Variants in NEK10 observed in about 807,000 individuals in gnomAD.
NEK10 encodes the protein NIMA related kinase 10, also known as serine/threonine-protein kinase Nek10.
NEK10 carries 122 observed loss-of-function variants against 159.8 expected under a neutral mutation model. The ratio of observed to expected loss-of-function variants is 0.76; its 90% CI spans 0.66 to 0.89. The LOEUF (loss-of-function observed/expected upper bound fraction) is 0.89. Among genes scored for constraint, NEK10 ranks in the 40% least tolerant of loss-of-function variants. NEK10 has a pLI of 0.00. For missense variants in NEK10, 1,342 were observed against 1,323.1 expected (o/e 1.01, Z -0.22); for synonymous variants, 466 against 457.1 (o/e 1.02, Z -0.25).
chr3:27,111,995 A>G (rs1329702775), intron 35 of NEK10, among the ~76,000 whole-genome samples: 1 of 150,828 alleles, frequency 6.6e-6, no homozygotes, highest in Non-Finnish European at 1.5e-5. Context: ...CTTTCTTTAC[A>G]CAGCTTTCTT....
At chr3:27,293,052 T>A (rs1227608685) in intron 16 of NEK10, among the ~76,000 whole-genome samples, 1 of 152,190 alleles carries the variant, frequency 6.6e-6, no homozygotes, top group Non-Finnish European at 1.5e-5. Flanking sequence ...AGGGAACCAG[T>A]GTTTGCTTCC....
At position 27,269,451 on chromosome 3, in the gene NEK10, C is replaced by A. The variant is rs186753892; in HGVS notation, c.2015-13080G>T. Among the ~76,000 whole-genome samples the A allele has an allele frequency of 3.9e-5, 6 of 152,322 alleles. No homozygotes were observed. The East Asian group carries it at 1.2e-3, about 29-fold the overall frequency. ...CACCACCCTGATCAGTAAGCAGCATCAAGTCATGACCCTCCACCAGCAAAA... is the reference window on the plus strand; with the variant it reads ...CACCACCCTGATCAGTAAGCAGCATAAAGTCATGACCCTCCACCAGCAAAA... On this transcript the variant is annotated intron_variant, in intron 22 of 35. Coordinates refer to ENST00000691995, the MANE Select transcript of NEK10 (RefSeq NM_001394966.1).
intron 5 of NEK10, among the ~76,000 whole-genome samples, chr3:27,343,994 A>G (rs2149782907): frequency 6.6e-6 from 1 of 152,338 alleles, no homozygotes; most frequent in South Asian, 2.1e-4. Context: ...AAGGTCCCAC[A>G]CAATAAATTC....
chr3:27,174,292 A>G, intron 28 of NEK10, 147 bp downstream of exon 28: 1 of 1,241,748 alleles, frequency 8.1e-7, no homozygotes, highest in Non-Finnish European at 1.1e-6. Context: ...TGTCAGAGAG[A>G]CAGACACATC....
chr3:27,318,425 T>G (rs958894743), intron 6 of NEK10, among the ~76,000 whole-genome samples: 10 of 152,220 alleles, frequency 6.6e-5, no homozygotes, highest in Non-Finnish European at 2.9e-5. Context: ...CCCTTTACAC[T>G]CTTAAAAATT....
chr3:27,302,702 A>G (rs571978), intron 12 of NEK10, among the ~76,000 whole-genome samples: 96,706 of 151,968 alleles, frequency 0.64, 33,058 homozygotes, highest in African/African-American at 0.91. Flanking sequence ...ACTCTACCTG[A>G]ATTTCTCTGT....
intron 11 of NEK10, among the ~76,000 whole-genome samples, 184 bp from the exon 12 acceptor site, chr3:27,305,155 C>A (rs570437059): frequency 7.8e-4 from 119 of 152,304 alleles, no homozygotes; most frequent in Non-Finnish European, 1.3e-3. Context: ...ACTAACTGTA[C>A]AATCTGTGTC....
intron 23 of NEK10, among the ~76,000 whole-genome samples, chr3:27,250,424 G>C (rs929795314): frequency 1.3e-5 from 2 of 152,202 alleles, no homozygotes; most frequent in East Asian, 3.9e-4. Context: ...CTGACCTCGT[G>C]ATCCACCTGC....
intron 11 of NEK10, among the ~76,000 whole-genome samples, chr3:27,305,908 C>T (rs1393677678): frequency 1.3e-5 from 2 of 152,202 alleles, no homozygotes; most frequent in South Asian, 2.1e-4. Flanking sequence ...GTCATCCATT[C>T]CCATGATTTC....
chr3:27,173,918 T>C (rs969074358), intron 28 of NEK10, among the ~76,000 whole-genome samples: 8 of 152,196 alleles, frequency 5.3e-5, no homozygotes, highest in Non-Finnish European at 1.0e-4. Flanking sequence ...TTTTCTTTAC[T>C]GTTTTAAATT....
chr3:27,180,979 G>A (rs1352213271), intron 26 of NEK10, among the ~76,000 whole-genome samples: 2 of 151,992 alleles, frequency 1.3e-5, no homozygotes, highest in Non-Finnish European at 1.5e-5. Flanking sequence ...CTGCTTCACC[G>A]CACGCTGGAC....
At chr3:27,201,289 G>C (rs1007955443) in intron 25 of NEK10, among the ~76,000 whole-genome samples, 1 of 151,986 alleles carries the variant, frequency 6.6e-6, no homozygotes, top group East Asian at 1.9e-4. Context: ...CCAAATAATC[G>C]TTCTAGTGGT....
intron 22 of NEK10, among the ~76,000 whole-genome samples, chr3:27,269,308 C>T (rs1485191558): frequency 6.6e-6 from 1 of 152,148 alleles, no homozygotes; most frequent in African/African-American, 2.4e-5. Context: ...AAAATGCTAT[C>T]AAACAGCATT....
At chr3:27,183,058 A>T (rs1948277936) in intron 26 of NEK10, among the ~76,000 whole-genome samples, 1 of 152,104 alleles carries the variant, frequency 6.6e-6, no homozygotes, top group African/African-American at 2.4e-5. Context: ...TATATTTAAA[A>T]TAACTAAATG....
rs2045692446 is a variant in NEK10, at chr3:27,322,220, A to G, written c.404T>C (p.Val135Ala). 3 of 1,568,022 alleles carry G rather than the reference A, an allele frequency of 1.9e-6. No individual in the cohort carries two copies. The highest frequency in any genetic ancestry group is 2.3e-5 in the East Asian group (1 of 43,250). Residue 135 changes from valine to alanine, a missense_variant, in exon 6 of 36, where the codon GTG becomes GCG. Physicochemically the swap from Val to Ala is moderately conservative, Grantham distance 64. Coordinates refer to ENST00000691995, the MANE Select transcript of NEK10 (RefSeq NM_001394966.1). ...NRAPSIHFLR[V>A]LICLRLLMRD... ...CATTAGTAGCCTCAGACAGATTAAC[A>G]CTCTCAGAAAATGAATAGATGGGGC...
At chr3:27,298,432 T>C (rs1050134696) in intron 13 of NEK10, among the ~76,000 whole-genome samples, 5 of 152,216 alleles carry the variant, frequency 3.3e-5, no homozygotes, top group African/African-American at 1.2e-4. Flanking sequence ...CATGTGGAAC[T>C]GTAAGTCCAT....
rs553930987 is a variant in NEK10 at position 27,330,917 on chromosome 3, C to T, written c.363-8656G>A. ...TATGTGAACCAACTAAGGAATAGGC[C>T]GTTATAACATTTTTTAGTACCTAAA... On this transcript the variant is annotated intron_variant, in intron 5 of 35. Transcript: ENST00000691995. Among the ~76,000 whole-genome samples, 5 of 152,036 alleles carry T rather than the reference C, an allele frequency of 3.3e-5. No homozygotes were observed. The East Asian group carries it at 5.8e-4, about 18-fold the overall frequency.
In NEK10 at chr3:27,277,535, G is replaced by T. The variant is rs575208854; in HGVS notation, c.2014+7067C>A. On this transcript the variant is annotated intron_variant, in intron 22 of 35. Coordinates refer to ENST00000691995, the MANE Select transcript of NEK10 (RefSeq NM_001394966.1). ...TTGACCAAGCTCCCCACCCACCAAG[G>T]CTCCTTCATCTCTTGCCACATCAAA... Among the ~76,000 whole-genome samples, 19 of 152,064 alleles carry T rather than the reference G, an allele frequency of 1.2e-4. No homozygotes were observed. The South Asian group carries it at 3.1e-3, about 25-fold the overall frequency.
At chr3:27,211,054 C>T (rs1223431246) in intron 23 of NEK10, among the ~76,000 whole-genome samples, 1 of 152,164 alleles carries the variant, frequency 6.6e-6, no homozygotes, top group African/African-American at 2.4e-5. Context: ...AAACCAGGAC[C>T]TGTGATTACC....
Sources: allele counts gnomAD v4.1 joint callset (sites outside exome capture counted in the v4.1 genomes callset), GRCh38; gene constraint gnomAD v4.1.1; transcripts MANE v1.5; gene names NCBI Gene and HGNC (gene_info 2026-07-23, HGNC 2026-07-21).